The following CEP112 variants were observed in gnomAD, a reference collection of about 807,000 sequenced individuals.
CEP112 encodes centrosomal protein of 112 kDa.
A neutral mutation model predicts 153.0 loss-of-function variants in CEP112; 127 were observed. The observed-to-expected ratio is 0.83, with a 90% CI of 0.72 to 0.96. The LOEUF (loss-of-function observed/expected upper bound fraction) is 0.96, where lower values mean the gene tolerates loss of function less well. CEP112 is among the 40% of genes least tolerant of loss of function. The pLI is 0.00. For missense variants in CEP112, 1,089 were observed against 1,101.2 expected (o/e 0.99, Z 0.16); for synonymous variants, 358 against 374.4 (o/e 0.96, Z 0.51).
intron 17 of CEP112, among the ~76,000 whole-genome samples, chr17:65,970,634 A>C (rs2144944615): frequency 6.6e-6 from 1 of 152,214 alleles, no homozygotes; most frequent in East Asian, 1.9e-4. Flanking sequence ...GAAGCATATT[A>C]CATGCATGCA....
intron 21 of CEP112, chr17:65,826,374 T>G (rs2056841411): frequency 6.3e-7 from 1 of 1,592,342 alleles, no homozygotes; most frequent in Admixed American, 1.9e-5. Flanking sequence ...AGGCAGAACT[T>G]CTAACAAGAA....
In CEP112 at chr17:65,936,141, G is replaced by A. The variant is rs116232363; in HGVS notation, c.1873-8452C>T. Among the ~76,000 whole-genome samples the A allele has an allele frequency of 6.0e-3, 906 of 152,254 alleles. 10 individuals carry two copies. Among genetic ancestry groups the A allele is most frequent in the African/African-American group, 0.021 (876 of 41,558 alleles). ...ATACATCAACAAATTGTATAGCTGAGGAAACAGATGAATTCCTACACATAT... is the reference window on the plus strand; with the variant it reads ...ATACATCAACAAATTGTATAGCTGAAGAAACAGATGAATTCCTACACATAT... On this transcript the variant is annotated intron_variant, in intron 18 of 26. Transcript: ENST00000535342.
intron 23 of CEP112, among the ~76,000 whole-genome samples, chr17:65,714,981 T>C (rs1187835482): frequency 1.3e-5 from 2 of 151,946 alleles, no homozygotes; most frequent in African/African-American, 4.8e-5. Context: ...ACGGTAATAC[T>C]ACAAGCAGCA....
intron 21 of CEP112, among the ~76,000 whole-genome samples, chr17:65,811,285 C>T (rs911965175): frequency 2.0e-5 from 3 of 151,988 alleles, no homozygotes; most frequent in Admixed American, 6.6e-5. Context: ...CTCTGATGGA[C>T]CATGAAATCT....
At chr17:65,910,717 G>C (rs531093991) in intron 19 of CEP112, among the ~76,000 whole-genome samples, 1 of 152,212 alleles carries the variant, frequency 6.6e-6, no homozygotes, top group African/African-American at 2.4e-5. Flanking sequence ...AAAAGACAAA[G>C]AGAAGCTAAA....
chr17:65,859,852 C>CAAA (rs573790538), intron 20 of CEP112, among the ~76,000 whole-genome samples: 5 of 100,360 alleles, frequency 5.0e-5, no homozygotes, highest in African/African-American at 1.9e-4. Context: ...ACTAAAAATA[C>CAAA]AAAAAAAAAA....
chr17:65,769,118 C>G (rs1318442547), intron 21 of CEP112, among the ~76,000 whole-genome samples: 1 of 151,866 alleles, frequency 6.6e-6, no homozygotes, highest in African/African-American at 2.4e-5. Flanking sequence ...ATATAAAAAT[C>G]TGACATTTCT....
chr17:65,636,123 C>A, intron 26 of CEP112, 149 bp from the exon 27 acceptor site: 1 of 722,928 alleles, frequency 1.4e-6, no homozygotes, highest in South Asian at 1.9e-5. Flanking sequence ...TATAAGGGAT[C>A]AAATCTTACC....
intron 21 of CEP112, among the ~76,000 whole-genome samples, chr17:65,841,870 T>C (rs891684414): frequency 8.2e-5 from 12 of 146,814 alleles, no homozygotes; most frequent in Admixed American, 6.8e-4. Flanking sequence ...ACCAAAAAAG[T>C]CCCCCCAGAC....
chr17:66,189,055 A>G (rs1357218432), intron 1 of CEP112, among the ~76,000 whole-genome samples: 2 of 152,236 alleles, frequency 1.3e-5, no homozygotes, highest in African/African-American at 4.8e-5. Context: ...AGTGTTTAAC[A>G]TTAGAGGAAA....
chr17:65,729,735 CCT>C (rs1307625079), intron 23 of CEP112, among the ~76,000 whole-genome samples: 1 of 152,056 alleles, frequency 6.6e-6, no homozygotes, highest in Admixed American at 6.6e-5. Flanking sequence ...ATGGTGAAAC[CCT>C]GTCTCTATTA....
At chr17:66,015,582 A>C (rs1436174243) in intron 16 of CEP112, among the ~76,000 whole-genome samples, 2 of 152,220 alleles carry the variant, frequency 1.3e-5, no homozygotes, top group East Asian at 3.8e-4. Flanking sequence ...CTTTGGCCTA[A>C]AACACAGCAC....
At chr17:65,673,145 A>G (rs932575843) in intron 24 of CEP112, among the ~76,000 whole-genome samples, 3 of 152,048 alleles carry the variant, frequency 2.0e-5, no homozygotes, top group African/African-American at 7.2e-5. Flanking sequence ...TTCTAAGCTC[A>G]TTTGGGTTGT....
In CEP112 at chr17:65,851,805, T is replaced by A; in HGVS notation, c.2393A>T (p.Lys798Met). The part of the protein sequence containing the change: ...HAAETEMTLE[K>M]ANSKLKQIEK... The stretch of plus-strand genomic sequence containing the variant: ...TAAAAAACTAGTTAAATATCTTACC[T>A]TTTCCAGTGTCATCTCTGTCTCAGC... Residue 798 changes from lysine to methionine, a missense_variant and splice_region_variant, in exon 21 of 27, where the codon AAG becomes ATG. Transcript: ENST00000535342. 1.9e-6 allele frequency: 3 copies of A among 1,606,660 alleles called. No homozygotes were observed. The highest frequency in any genetic ancestry group is 2.6e-6 in the Non-Finnish European group (3 of 1,176,160).
Position 66,134,577 on chromosome 17 carries a change from A to G in CEP112, c.471-1814T>C, listed in dbSNP as rs143481740. Among the ~76,000 whole-genome samples the G allele has an allele frequency of 4.7e-3, 720 of 152,280 alleles. 4 individuals carry two copies. Among genetic ancestry groups the G allele is most frequent in the Middle Eastern group, 0.024 (7 of 294 alleles). ...CTCTGGCCAGGTGCAGTAGCTCACA[A>G]CTGTAATCCCAGCACTTTGGGAGGC... On this transcript the variant is annotated intron_variant, in intron 4 of 26. Transcript: ENST00000535342.
Position 66,047,568 on chromosome 17 carries a change from T to G in CEP112, c.1218+6168A>C, listed in dbSNP as rs190476428. ...CTAAAGTTTCAATAGTGAGCTTGTA[T>G]ATCTTTTTGCAATAACAAAAACTTT... On this transcript the variant is annotated intron_variant, in intron 12 of 26. Coordinates refer to ENST00000535342, the MANE Select transcript of CEP112 (RefSeq NM_001199165.4). Among the ~76,000 whole-genome samples the G allele has an allele frequency of 1.4e-4, 21 of 152,360 alleles. No homozygotes were observed. The East Asian group carries it at 4.0e-3, about 29-fold the overall frequency.
At chr17:66,124,408 GA>G (rs889806062) in intron 6 of CEP112, among the ~76,000 whole-genome samples, 13 of 150,860 alleles carry the variant, frequency 8.6e-5, no homozygotes, top group South Asian at 4.2e-4. Context: ...AAATACATGG[GA>G]AAAAAAAAGT....
chr17:66,046,880 A>C (rs527960395), intron 12 of CEP112, among the ~76,000 whole-genome samples: 162 of 152,242 alleles, frequency 1.1e-3, no homozygotes, highest in Non-Finnish European at 1.6e-3. Flanking sequence ...AGCCACCAGA[A>C]GCTCCACAGA....
chr17:66,008,864 T>C (rs1290206675), intron 16 of CEP112, among the ~76,000 whole-genome samples: 1 of 122,390 alleles, frequency 8.2e-6, no homozygotes, highest in African/African-American at 2.6e-5. Context: ...AGTATTCCAC[T>C]GTATATATAC....
Sources: allele counts gnomAD v4.1 joint callset (sites outside exome capture counted in the v4.1 genomes callset), GRCh38; gene constraint gnomAD v4.1.1; transcripts MANE v1.5; gene names NCBI Gene and HGNC (gene_info 2026-07-23, HGNC 2026-07-21).